FILIP1L: variants seen among roughly 807,000 people sequenced by gnomAD.
FILIP1L encodes filamin A interacting protein 1 like.
Under a neutral mutation model 96.6 loss-of-function variants are expected in FILIP1L, and 55 were observed. The ratio of observed to expected loss-of-function variants is 0.57; its 90% CI spans 0.46 to 0.71. The LOEUF is 0.71. Among genes scored for constraint, FILIP1L ranks in the 30% least tolerant of loss-of-function variants. The pLI is 0.00. For synonymous variants in FILIP1L, 467 were observed against 473.9 expected (o/e 0.99, Z 0.19); for missense variants, 1,304 against 1,321.2 (o/e 0.99, Z 0.20).
In FILIP1L at chr3:99,984,280, A is replaced by G. The variant is rs148714747; in HGVS notation, c.-10-53250T>C. Among the ~76,000 whole-genome samples, 345 of 152,320 alleles carry G rather than the reference A, an allele frequency of 2.3e-3. 1 individual carries two copies. Among genetic ancestry groups the G allele is most frequent in the African/African-American group, 7.4e-3 (308 of 41,576 alleles). Reference sequence around the variant, plus strand: ...ATTTATTATGTAGAGTGTCCTGTCAAACAAAATGAAAGGCTATATTTTGTC... The same window carrying G: ...ATTTATTATGTAGAGTGTCCTGTCAGACAAAATGAAAGGCTATATTTTGTC... On this transcript the variant is annotated intron_variant, in intron 1 of 5. Coordinates refer to ENST00000477258, the MANE Select transcript of FILIP1L (RefSeq NM_001387850.1).
intron 3 of FILIP1L, among the ~76,000 whole-genome samples, chr3:99,928,685 A>G (rs1707375500): frequency 6.6e-6 from 1 of 152,176 alleles, no homozygotes; most frequent in South Asian, 2.1e-4. Flanking sequence ...TGCCATTTGT[A>G]GAGTTTTGTT....
intron 1 of FILIP1L, among the ~76,000 whole-genome samples, chr3:99,939,108 A>G (rs1198447889): frequency 1.3e-5 from 2 of 152,214 alleles, no homozygotes; most frequent in Non-Finnish European, 2.9e-5. Context: ...ATTCCCAAGG[A>G]TTCTAAGTCC....
chr3:100,037,620 A>G (rs1437756194), intron 1 of FILIP1L, among the ~76,000 whole-genome samples: 1 of 152,228 alleles, frequency 6.6e-6, no homozygotes, highest in East Asian at 1.9e-4. Flanking sequence ...AAATCATAAA[A>G]TGTATAAATA....
chr3:100,094,921 C>G (rs901252101), intron 1 of FILIP1L, among the ~76,000 whole-genome samples: 29 of 152,008 alleles, frequency 1.9e-4, no homozygotes, highest in African/African-American at 6.8e-4. Flanking sequence ...ATCTCCTGAC[C>G]TCGTGATCCA....
In FILIP1L at chr3:99,974,736, A is replaced by C. The variant is rs186247416; in HGVS notation, c.-10-43706T>G. Among the ~76,000 whole-genome samples, 470 of 152,166 alleles carry C rather than the reference A, an allele frequency of 3.1e-3. 4 individuals are homozygous for C. Among genetic ancestry groups the C allele is most frequent in the African/African-American group, 0.011 (444 of 41,502 alleles). On this transcript the variant is annotated intron_variant, in intron 1 of 5. Transcript: ENST00000477258. ...ACAACAACAACAACAACAACAACAA[A>C]AACTCATGTTTGGAGTGGAAAAAAC...
chr3:99,871,078 A>G (rs1018493056), intron 4 of FILIP1L, among the ~76,000 whole-genome samples: 1 of 152,196 alleles, frequency 6.6e-6, no homozygotes, highest in African/African-American at 2.4e-5. Context: ...CATCTGACTT[A>G]GTCTGCCTAT....
chr3:99,847,425 T>C (rs1249615821), intron 5 of FILIP1L, among the ~76,000 whole-genome samples: 1 of 151,902 alleles, frequency 6.6e-6, no homozygotes, highest in Non-Finnish European at 1.5e-5. Flanking sequence ...GTTGTAGACA[T>C]ACATGTTCTA....
At chr3:100,039,530 A>T (rs2065165464) in intron 1 of FILIP1L, among the ~76,000 whole-genome samples, 1 of 152,148 alleles carries the variant, frequency 6.6e-6, no homozygotes, top group South Asian at 2.1e-4. Flanking sequence ...CAGTCTTATA[A>T]TATGCGGGAT....
At chr3:99,983,021 T>C (rs995406505) in intron 1 of FILIP1L, among the ~76,000 whole-genome samples, 2 of 152,034 alleles carry the variant, frequency 1.3e-5, no homozygotes, top group Non-Finnish European at 2.9e-5. Flanking sequence ...ACCCACTGTG[T>C]GAATATGAGG....
chr3:100,073,690 C>G (rs924272100), intron 1 of FILIP1L, among the ~76,000 whole-genome samples: 1 of 152,132 alleles, frequency 6.6e-6, no homozygotes, highest in Non-Finnish European at 1.5e-5. Flanking sequence ...GGAAATAACC[C>G]ACTGGTCTGT....
intron 4 of FILIP1L, among the ~76,000 whole-genome samples, chr3:99,862,226 CAAAT>C (rs1479698889): frequency 6.6e-6 from 1 of 151,930 alleles, no homozygotes; most frequent in African/African-American, 2.4e-5. Context: ...AAAATCAAAT[CAAAT>C]AAAAATAAGT....
At chr3:99,890,027 T>C (rs1322552691) in intron 4 of FILIP1L, among the ~76,000 whole-genome samples, 3 of 152,122 alleles carry the variant, frequency 2.0e-5, no homozygotes, top group African/African-American at 4.8e-5. Flanking sequence ...GGGACCACTT[T>C]CCTTCAATCT....
chr3:99,845,996 G>A (rs1431020404), intron 5 of FILIP1L, among the ~76,000 whole-genome samples: 2 of 152,266 alleles, frequency 1.3e-5, no homozygotes, highest in African/African-American at 4.8e-5. Context: ...TATCATAATA[G>A]AACACAAGAC....
chr3:99,927,985 T>C (rs1707350722), intron 3 of FILIP1L, among the ~76,000 whole-genome samples: 1 of 152,240 alleles, frequency 6.6e-6, no homozygotes, highest in South Asian at 2.1e-4. Flanking sequence ...ACCTCTAGTT[T>C]ACCCTAGACA....
intron 1 of FILIP1L, among the ~76,000 whole-genome samples, chr3:100,107,279 GGTTA>G (rs1407126351): frequency 1.3e-5 from 2 of 152,128 alleles, no homozygotes; most frequent in African/African-American, 4.8e-5. Context: ...GAAAAAACTA[GGTTA>G]TTTAGGTCAT....
chr3:99,933,573 C>A (rs1335105301), intron 1 of FILIP1L, among the ~76,000 whole-genome samples: 4 of 152,092 alleles, frequency 2.6e-5, no homozygotes, highest in African/African-American at 9.7e-5. Context: ...AATTATCTTT[C>A]CCCACCCCTA....
At chr3:100,080,632 C>G (rs762770312) in intron 1 of FILIP1L, among the ~76,000 whole-genome samples, 20 of 152,202 alleles carry the variant, frequency 1.3e-4, no homozygotes, top group Non-Finnish European at 2.4e-4. Flanking sequence ...ATGCCTTGTT[C>G]TGTTCTCCCG....
chr3:99,916,435 T>TACACAC (rs1491315247), intron 4 of FILIP1L, among the ~76,000 whole-genome samples: 89 of 120,210 alleles, frequency 7.4e-4, no homozygotes, highest in African/African-American at 2.9e-3. Context: ...AATAACGGTT[T>TACACAC]ATACACACAC....
chr3:99,840,315 C>G (rs1460377341), intron 5 of FILIP1L, among the ~76,000 whole-genome samples: 1 of 150,536 alleles, frequency 6.6e-6, no homozygotes, highest in African/African-American at 2.5e-5. Context: ...CCTCTGCCTC[C>G]CGGGTTGAAG....
Sources: gnomAD v4.1 joint callset for allele counts (sites outside exome capture counted in the v4.1 genomes callset) on GRCh38, gnomAD v4.1.1 for gene constraint, MANE v1.5 for transcripts, NCBI Gene and HGNC (gene_info 2026-07-23, HGNC 2026-07-21) for gene names.